The following SRGAP3 variants were observed in gnomAD, a reference collection of about 807,000 sequenced individuals.
SRGAP3 encodes SLIT-ROBO Rho GTPase activating protein 3.
In SRGAP3, 39 loss-of-function variants were observed where a neutral mutation model predicts 121.1. The observed-to-expected ratio is 0.32, with a 90% confidence interval of 0.25 to 0.42. The LOEUF (loss-of-function observed/expected upper bound fraction) is 0.42, where lower values mean the gene tolerates loss of function less well. Among genes scored for constraint, SRGAP3 ranks in the 10% least tolerant of loss-of-function variants. The pLI is 1.00. For missense variants in SRGAP3, 1,213 were observed against 1,470.6 expected (o/e 0.82, Z 2.86); for synonymous variants, 601 against 570.0 (o/e 1.05, Z -0.77).
intron 3 of SRGAP3, among the ~76,000 whole-genome samples, chr3:9,264,628 C>T (rs1262089427): frequency 6.6e-6 from 1 of 152,082 alleles, no homozygotes; most frequent in East Asian, 1.9e-4. Flanking sequence ...ACAATTGCTA[C>T]AAAGGGAATA....
chr3:8,991,591 C>T (rs566204905), intron 20 of SRGAP3, among the ~76,000 whole-genome samples: 1 of 152,168 alleles, frequency 6.6e-6, no homozygotes, highest in South Asian at 2.1e-4. Context: ...ATCTGTGAAG[C>T]GGGTTTAAGC....
At chr3:9,150,355 A>G (rs922813168) in intron 1 of SRGAP3, among the ~76,000 whole-genome samples, 1 of 151,974 alleles carries the variant, frequency 6.6e-6, no homozygotes, top group East Asian at 1.9e-4. Flanking sequence ...TGGGAGAGGA[A>G]AAGGGAGCCT....
At chr3:9,243,730 T>C (rs1953731303) in intron 1 of SRGAP3, among the ~76,000 whole-genome samples, 1 of 151,328 alleles carries the variant, frequency 6.6e-6, no homozygotes, top group Non-Finnish European at 1.5e-5. Context: ...TGACTGAAGA[T>C]GAAATAGGAA....
At chr3:9,188,360 T>C (rs550725794) in intron 1 of SRGAP3, among the ~76,000 whole-genome samples, 1 of 152,332 alleles carries the variant, frequency 6.6e-6, no homozygotes, top group East Asian at 1.9e-4. Flanking sequence ...GTTACACAAT[T>C]ATAGGTCTTC....
intron 1 of SRGAP3, among the ~76,000 whole-genome samples, chr3:9,360,883 T>A (rs187824905): frequency 3.9e-5 from 6 of 152,332 alleles, no homozygotes; most frequent in Admixed American, 3.3e-4. Flanking sequence ...ATATATCATT[T>A]TGTATTTTCA....
intron 4 of SRGAP3, among the ~76,000 whole-genome samples, chr3:9,078,729 C>G (rs1382394330): frequency 1.3e-5 from 2 of 152,180 alleles, no homozygotes; most frequent in African/African-American, 2.4e-5. Flanking sequence ...TTCTGCCCCC[C>G]AGTGACCAGC....
At chr3:9,172,510 C>T (rs1350056105) in intron 1 of SRGAP3, among the ~76,000 whole-genome samples, 2 of 152,188 alleles carry the variant, frequency 1.3e-5, no homozygotes, top group Non-Finnish European at 2.9e-5. Flanking sequence ...TTGGGGGACA[C>T]AATCCAATCC....
chr3:9,265,501 C>T (rs1954340757), intron 3 of SRGAP3, among the ~76,000 whole-genome samples: 1 of 151,868 alleles, frequency 6.6e-6, no homozygotes, highest in African/African-American at 2.4e-5. Flanking sequence ...TATCCAGAAT[C>T]TACAAGGAAC....
chr3:9,018,032 A>G (rs1574916199), intron 14 of SRGAP3, among the ~76,000 whole-genome samples: 1 of 152,152 alleles, frequency 6.6e-6, no homozygotes, highest in African/African-American at 2.4e-5. Flanking sequence ...TCCTTCTGGC[A>G]CCTATCACTC....
chr3:9,217,506 G>A (rs1952674695), intron 1 of SRGAP3: 1 of 152,178 alleles, frequency 6.6e-6, no homozygotes, highest in Non-Finnish European at 1.5e-5. Flanking sequence ...GCAAAAGGAA[G>A]GGGATCTACA....
At chr3:9,230,134 T>G (rs1295182315) in intron 1 of SRGAP3, among the ~76,000 whole-genome samples, 1 of 152,210 alleles carries the variant, frequency 6.6e-6, no homozygotes, top group Non-Finnish European at 1.5e-5. Flanking sequence ...GCTGACTGAG[T>G]GCCAGGCACT....
chr3:9,173,529 A>G (rs1164034196), intron 1 of SRGAP3, among the ~76,000 whole-genome samples: 3 of 152,226 alleles, frequency 2.0e-5, no homozygotes, highest in African/African-American at 7.2e-5. Context: ...ATAAGAGCAG[A>G]GAGGAGAAGA....
At chr3:9,183,821 T>C (rs1029406277) in intron 1 of SRGAP3, among the ~76,000 whole-genome samples, 43 of 150,400 alleles carry the variant, frequency 2.9e-4, no homozygotes, top group African/African-American at 7.6e-4. Context: ...CCTAAAGACC[T>C]TCTCAGTCTC....
chr3:9,351,667 G>A (rs1018764315), intron 1 of SRGAP3, among the ~76,000 whole-genome samples: 1 of 152,076 alleles, frequency 6.6e-6, no homozygotes, highest in South Asian at 2.1e-4. Flanking sequence ...TATTTTTCCT[G>A]TACCTTTTTT....
chr3:9,221,798 T>C (rs564097754), intron 1 of SRGAP3, among the ~76,000 whole-genome samples: 2 of 152,236 alleles, frequency 1.3e-5, no homozygotes, highest in African/African-American at 4.8e-5. Context: ...TCAACGTCTA[T>C]GCAGCCAAAC....
chr3:8,990,355 A>AGT (rs2124925161), intron 21 of SRGAP3, among the ~76,000 whole-genome samples, 157 bp downstream of exon 21: 1 of 152,288 alleles, frequency 6.6e-6, no homozygotes, highest in African/African-American at 2.4e-5. Flanking sequence ...CTCCCACGGG[A>AGT]AGCCCAGCAA....
intron 1 of SRGAP3, among the ~76,000 whole-genome samples, chr3:9,152,401 GTGTCTCTCTCTCTC>G (rs1358724960): frequency 2.0e-5 from 3 of 152,150 alleles, no homozygotes; most frequent in African/African-American, 4.8e-5. Flanking sequence ...CTCTCTCTCT[GTGTCTCTCTCTCTC>G]TGTCTCTCTA....
Position 8,980,662 on chromosome 3 carries a change from G to A in SRGAP3, c.*4857C>T, listed in dbSNP as rs17736455. ...AAACCAGCAGGCACCATCAGAATAC[G>A]CGACAGAGGATCCAATCAGACACTC... On this transcript the variant is annotated 3_prime_UTR_variant, in exon 22 of 22. Transcript: ENST00000383836. The A allele has an allele frequency of 0.011, 2,453 of 231,484 alleles. 23 individuals are homozygous for A. The highest frequency in any genetic ancestry group is 0.016 in the Non-Finnish European group (1,914 of 116,714). 14.3% of individuals were successfully genotyped at this position (231,484 alleles called of 1,614,324 possible).
intron 9 of SRGAP3, among the ~76,000 whole-genome samples, chr3:9,050,051 G>A (rs892407593): frequency 4.6e-5 from 7 of 152,130 alleles, no homozygotes; most frequent in South Asian, 4.1e-4. Context: ...TGTTGCCCAC[G>A]CTGGTCATGA....
Sources: gnomAD v4.1 joint callset for allele counts (sites outside exome capture counted in the v4.1 genomes callset) on GRCh38, gnomAD v4.1.1 for gene constraint, MANE v1.5 for transcripts, NCBI Gene and HGNC (gene_info 2026-07-23, HGNC 2026-07-21) for gene names.